TIAM2: variants seen among roughly 807,000 people sequenced by gnomAD.
The protein encoded by TIAM2 is TIAM Rac1 associated GEF 2.
Under a neutral mutation model 152.9 loss-of-function variants are expected in TIAM2, and 80 were observed. The ratio of observed to expected loss-of-function variants is 0.52; its 90% CI spans 0.44 to 0.63. The LOEUF is 0.63. Ranked by LOEUF, TIAM2 falls within the 30% of genes least tolerant of loss-of-function variation. The pLI, the probability that TIAM2 is intolerant of heterozygous loss-of-function variation, is 0.00. For synonymous variants in TIAM2, 804 were observed against 838.0 expected (o/e 0.96, Z 0.70); for missense variants, 1,965 against 2,120.1 (o/e 0.93, Z 1.44).
intron 1 of TIAM2, among the ~76,000 whole-genome samples, chr6:155,079,854 A>G (rs1291458849): frequency 6.6e-6 from 1 of 152,182 alleles, no homozygotes; most frequent in Non-Finnish European, 1.5e-5. Context: ...AGGCTGAGGT[A>G]GGAGAATCGC....
At chr6:155,168,565 C>T (rs2115108067) in intron 9 of TIAM2, among the ~76,000 whole-genome samples, 1 of 152,142 alleles carries the variant, frequency 6.6e-6, no homozygotes, top group Admixed American at 6.6e-5. Flanking sequence ...CTCTTTTGGC[C>T]AGGCTGGTCT....
At chr6:154,998,351 G>T (rs1337610773) in intron 1 of TIAM2, among the ~76,000 whole-genome samples, 1 of 152,174 alleles carries the variant, frequency 6.6e-6, no homozygotes, top group Non-Finnish European at 1.5e-5. Flanking sequence ...AGATGTCACA[G>T]AATTAAACTA....
rs145088411 is a variant in TIAM2 at position 155,222,087 on chromosome 6, G to A, written c.3168+10780G>A. The stretch of plus-strand genomic sequence containing the variant: ...TTATGCCTCAGCCTCCTCAGTACCT[G>A]GGACCACAGGTGCACGCCACCATGC... On this transcript the variant is annotated intron_variant, in intron 15 of 26. Transcript: ENST00000682666. Among the ~76,000 whole-genome samples, 8 of 151,888 alleles carry A rather than the reference G, an allele frequency of 5.3e-5. No homozygotes were observed. The East Asian group carries it at 1.6e-3, about 30-fold the overall frequency.
At chr6:155,010,485 C>T (rs918451488) in intron 1 of TIAM2, among the ~76,000 whole-genome samples, 2 of 152,018 alleles carry the variant, frequency 1.3e-5, no homozygotes, top group Non-Finnish European at 2.9e-5. Context: ...GATGGAGTTT[C>T]GCTCTTGTTG....
intron 2 of TIAM2, among the ~76,000 whole-genome samples, chr6:155,112,055 G>A (rs918029123): frequency 1.3e-5 from 2 of 151,476 alleles, no homozygotes; most frequent in Admixed American, 1.3e-4. Flanking sequence ...ATTTGACATG[G>A]TTGCTCAGTC....
chr6:155,014,929 G>A (rs1411486837), intron 1 of TIAM2, among the ~76,000 whole-genome samples: 3 of 152,274 alleles, frequency 2.0e-5, no homozygotes, highest in African/African-American at 7.2e-5. Context: ...TGTCCGTCAG[G>A]AGGCTGGAGA....
At chr6:155,049,435 C>A (rs1392471172) in intron 1 of TIAM2, among the ~76,000 whole-genome samples, 2 of 152,132 alleles carry the variant, frequency 1.3e-5, no homozygotes, top group Non-Finnish European at 2.9e-5. Flanking sequence ...TCTGTTTAGT[C>A]TCTGTTTTCC....
At position 155,136,745 on chromosome 6, in the gene TIAM2, A is replaced by G. The variant is rs370610207; in HGVS notation, c.1195-432A>G. On this transcript the variant is annotated intron_variant, in intron 4 of 26. Transcript: ENST00000682666. The stretch of plus-strand genomic sequence containing the variant: ...CTTCCCCACCCTACCCTGGTATAGT[A>G]ATTTTCTAATTTACCTTTCAAATGA... Among the ~76,000 whole-genome samples the G allele has an allele frequency of 1.7e-3, 264 of 152,312 alleles. 4 individuals are homozygous for G. In the South Asian group the frequency reaches 0.023, roughly 13 times the overall value.
chr6:155,225,918 G>T (rs1270297892), intron 15 of TIAM2, among the ~76,000 whole-genome samples: 1 of 152,140 alleles, frequency 6.6e-6, no homozygotes, highest in South Asian at 2.1e-4. Context: ...GGCACACAGG[G>T]TATCTGTGCT....
At chr6:155,083,960 G>T (rs545493783) in intron 1 of TIAM2, among the ~76,000 whole-genome samples, 49 of 150,628 alleles carry the variant, frequency 3.3e-4, no homozygotes, top group African/African-American at 1.2e-3. Context: ...GGAAATCCTA[G>T]TGTCACGTTG....
intron 15 of TIAM2, among the ~76,000 whole-genome samples, chr6:155,212,189 G>A (rs1193482166): frequency 1.3e-5 from 2 of 152,166 alleles, no homozygotes; most frequent in Non-Finnish European, 2.9e-5. Context: ...AGTTATCTGC[G>A]TGAATCCTTG....
At chr6:155,224,843 C>T (rs372452979) in intron 15 of TIAM2, among the ~76,000 whole-genome samples, 8 of 152,198 alleles carry the variant, frequency 5.3e-5, no homozygotes, top group East Asian at 1.9e-4. Flanking sequence ...ATCTGCACAG[C>T]GGGGATTTCA....
Position 155,151,519 on chromosome 6 carries a change from C to T in TIAM2, c.2028+3185C>T, listed in dbSNP as rs139805729. 5.6e-3 allele frequency among the ~76,000 whole-genome samples: 850 copies of T among 152,308 alleles called. 4 individuals are homozygous for T. Among genetic ancestry groups the T allele is most frequent in the South Asian group, 0.018 (87 of 4,812 alleles). ...CATTAAGATTTCAACGTACATATTT[C>T]GGAGGGACACATTCAGCCCATAGTG... On this transcript the variant is annotated intron_variant, in intron 7 of 26. Transcript: ENST00000682666.
intron 1 of TIAM2, among the ~76,000 whole-genome samples, chr6:155,080,213 T>G (rs1420437269): frequency 6.6e-6 from 1 of 151,860 alleles, no homozygotes; most frequent in African/African-American, 2.4e-5. Flanking sequence ...TTATCTCTGA[T>G]GTCCATACCG....
intron 1 of TIAM2, among the ~76,000 whole-genome samples, chr6:155,055,194 C>G (rs17085896): frequency 1.3e-5 from 2 of 151,886 alleles, no homozygotes; most frequent in African/African-American, 4.8e-5. Context: ...TTCTGGGCCA[C>G]GTATATTTTC....
intron 2 of TIAM2, among the ~76,000 whole-genome samples, chr6:155,102,563 T>C (rs2114994375): frequency 6.6e-6 from 1 of 152,234 alleles, no homozygotes; most frequent in East Asian, 1.9e-4. Flanking sequence ...TCTGGGGGTG[T>C]TCCAATGCCC....
At chr6:155,029,060 CTG>C (rs1336031413) in intron 1 of TIAM2, among the ~76,000 whole-genome samples, 2 of 118,340 alleles carry the variant, frequency 1.7e-5, no homozygotes, top group East Asian at 2.2e-4. Context: ...TATATATACA[CTG>C]TATATACTAT....
At chr6:155,237,289 G>A (rs541089611) in intron 15 of TIAM2, among the ~76,000 whole-genome samples, 19 of 152,246 alleles carry the variant, frequency 1.2e-4, no homozygotes, top group Non-Finnish European at 2.1e-4. Context: ...GATGCAAGAG[G>A]TGGGTTCTCA....
intron 2 of TIAM2, among the ~76,000 whole-genome samples, chr6:155,107,126 C>T (rs922607725): frequency 6.6e-6 from 1 of 151,480 alleles, no homozygotes; most frequent in Non-Finnish European, 1.5e-5. Flanking sequence ...ACGAACAGAC[C>T]CCGAGAAATA....
Sources: allele counts gnomAD v4.1 joint callset (sites outside exome capture counted in the v4.1 genomes callset), GRCh38; gene constraint gnomAD v4.1.1; transcripts MANE v1.5; gene names NCBI Gene and HGNC (gene_info 2026-07-23, HGNC 2026-07-21).